KRTCAP3: variants seen among roughly 807,000 people sequenced by gnomAD.
KRTCAP3 encodes keratinocyte associated protein 3.
In KRTCAP3, 18 loss-of-function variants were observed where a neutral mutation model predicts 20.5. The ratio of observed to expected loss-of-function variants is 0.88; its 90% CI spans 0.61 to 1.31. The LOEUF (loss-of-function observed/expected upper bound fraction) is 1.31, where lower values mean the gene tolerates loss of function less well. Among genes scored for constraint, KRTCAP3 ranks in the 50% most tolerant of loss-of-function variants. KRTCAP3 has a pLI of 0.00. For missense variants in KRTCAP3, 347 were observed against 310.4 expected (o/e 1.12, Z -0.89); for synonymous variants, 167 against 133.7 (o/e 1.25, Z -1.72).
downstream of KRTCAP3, chr2:27,446,448 CAACAATTATTAT>C: frequency 2.8e-6 from 3 of 1,082,764 alleles, no homozygotes; most frequent in Non-Finnish European, 4.2e-6. Context: ...AACTAAAAAA[CAACAATTATTAT>C]TAAACTGCTC....
At chr2:27,446,137 G>T (rs1558350715), downstream of KRTCAP3, 11 of 1,316,328 alleles carry the variant, frequency 8.4e-6, no homozygotes, top group Non-Finnish European at 1.2e-5. Context: ...AGACATAGGA[G>T]GACTACATCC....
chr2:27,442,503 G>A (rs1002563888), intron 1 of KRTCAP3, 63 bp downstream of exon 1: 6 of 1,539,674 alleles, frequency 3.9e-6, no homozygotes, highest in Non-Finnish European at 5.3e-6. Flanking sequence ...CCGTCCTACT[G>A]CCCGCGGTTA....
chr2:27,444,453 G>T (rs375519807), downstream of KRTCAP3: 42 of 1,613,056 alleles, frequency 2.6e-5, no homozygotes, highest in Non-Finnish European at 3.4e-5. Context: ...AAAAGCTGGT[G>T]CTGGGGAGCC....
chr2:27,442,719 G>C lies in KRTCAP3; in HGVS notation c.169G>C (p.Glu57Gln), dbSNP rs1208662595. Residue 57 changes from glutamate to glutamine, a missense_variant, in exon 2 of 7, where the codon GAG (glutamate) becomes CAG (glutamine). Physicochemically the swap from Glu to Gln is conservative, Grantham distance 29 (BLOSUM62 2). Coordinates refer to ENST00000288873, the MANE Select transcript of KRTCAP3 (RefSeq NM_173853.4). Reference protein sequence around the residue: ...VANPRGAVTPEYTVANVISVG... With the variant: ...VANPRGAVTPQYTVANVISVG... Reference sequence around the variant, plus strand: ...CAATCCCCGCGGCGCTGTCACGCCGGAGTACACCGTAGCCAATGTCATCTC... The same window carrying C: ...CAATCCCCGCGGCGCTGTCACGCCGCAGTACACCGTAGCCAATGTCATCTC... 2 of 1,602,430 alleles carry C rather than the reference G, an allele frequency of 1.2e-6. No individual in the cohort carries two copies. Among genetic ancestry groups the C allele is most frequent in the Non-Finnish European group, 1.7e-6 (2 of 1,173,696 alleles).
chr2:27,446,149 C>T (rs1665073700), downstream of KRTCAP3: 2 of 1,328,476 alleles, frequency 1.5e-6, no homozygotes, highest in South Asian at 2.4e-5. Flanking sequence ...ACTACATCCT[C>T]CGTAACATCA....
Position 27,444,294 on chromosome 2 carries a change from T to TTA in KRTCAP3, c.*114_*115insTA, listed in dbSNP as rs1664831956. ...TGTAATAAAGTAACTTCTCTTTTCT[T>TTA]CTACTTGATTATGATTCCTTTTGGG... On this transcript the variant is annotated 3_prime_UTR_variant, in exon 7 of 7. Coordinates refer to ENST00000288873, the MANE Select transcript of KRTCAP3 (RefSeq NM_173853.4). The TTA allele has an allele frequency of 1.5e-6, 1 of 660,916 alleles. No individual in the cohort carries two copies. The highest frequency in any genetic ancestry group is 2.6e-6 in the Non-Finnish European group (1 of 378,680). 40.9% of individuals were successfully genotyped at this position (660,916 alleles called of 1,614,324 possible).
At chr2:27,444,495 G>A (rs143671920), downstream of KRTCAP3, 291 of 1,613,624 alleles carry the variant, frequency 1.8e-4, 2 homozygotes, top group South Asian at 1.7e-3. Flanking sequence ...ATTTCAGCAC[G>A]TCCTGGCACA....
At position 27,442,567 on chromosome 2, in the gene KRTCAP3, C is replaced by A. The variant is rs369704814; in HGVS notation, c.29-12C>A. Reference sequence around the variant, plus strand: ...CGCCCGACTCAACCCTGCCCTCCCCCGTGCTTTGCAGACGCCGCCCGGGGG... The same window carrying A: ...CGCCCGACTCAACCCTGCCCTCCCCAGTGCTTTGCAGACGCCGCCCGGGGG... On this transcript the variant is annotated splice_polypyrimidine_tract_variant and intron_variant, in intron 1 of 6. Transcript: ENST00000288873. 91 of 1,523,890 alleles carry A rather than the reference C, an allele frequency of 6.0e-5. 1 individual carries two copies. Among genetic ancestry groups the A allele is most frequent in the Middle Eastern group, 1.7e-4 (1 of 5,760 alleles). 94.4% of individuals were successfully genotyped at this position (1,523,890 alleles called of 1,614,324 possible). A position where few individuals can be genotyped will look rare whatever the true frequency, so the allele number is the denominator to read the frequency against.
chr2:27,443,902 G>A (rs1664780218), intron 5 of KRTCAP3, 47 bp from the exon 6 acceptor site: 1 of 1,055,048 alleles, frequency 9.5e-7, no homozygotes, highest in Admixed American at 1.7e-5. Context: ...AAAAGATGCT[G>A]ACCTATCATT....
chr2:27,443,762 G>C (rs1029503750), intron 5 of KRTCAP3, among the ~76,000 whole-genome samples, 187 bp from the exon 6 acceptor site: 3 of 151,976 alleles, frequency 2.0e-5, no homozygotes, highest in African/African-American at 7.3e-5. Flanking sequence ...TGTAATCCCA[G>C]CTACTTGGAA....
downstream of KRTCAP3, chr2:27,444,933 G>C: frequency 6.8e-7 from 1 of 1,461,638 alleles, no homozygotes; most frequent in Non-Finnish European, 9.4e-7. Flanking sequence ...AAAGGTATGA[G>C]CCACTGCACC....
downstream of KRTCAP3, chr2:27,445,973 T>C (rs774056784): frequency 6.8e-6 from 11 of 1,614,242 alleles, no homozygotes; most frequent in Non-Finnish European, 9.3e-6. The surrounding 1 kb of genome is among the most constrained non-coding windows in gnomAD (Gnocchi z 4.4). Flanking sequence ...AATGCCATGT[T>C]ATCCCAGCCA....
chr2:27,444,959 T>G, downstream of KRTCAP3: 1 of 1,580,066 alleles, frequency 6.3e-7, no homozygotes, highest in Non-Finnish European at 8.6e-7. Context: ...TTGTTTTTTT[T>G]TCTTTTTTTA....
At chr2:27,443,707 C>T (rs1052349787) in intron 5 of KRTCAP3, among the ~76,000 whole-genome samples, 175 bp downstream of exon 5, 1 of 152,008 alleles carries the variant, frequency 6.6e-6, no homozygotes, top group African/African-American at 2.4e-5. Flanking sequence ...GGTGAAACCT[C>T]GTCTCTACTA....
At chr2:27,444,384 TA>T, downstream of KRTCAP3, 1 of 1,235,456 alleles carries the variant, frequency 8.1e-7, no homozygotes, top group Non-Finnish European at 1.2e-6. Context: ...CAATTATTTA[TA>T]AAACTTTAAT....
Position 27,442,683 on chromosome 2 carries a change from C to G in KRTCAP3, c.133C>G (p.Arg45Gly), listed in dbSNP as rs1462185844. 1 of 1,586,182 alleles carries G rather than the reference C, an allele frequency of 6.3e-7. No homozygotes were observed. Among genetic ancestry groups the G allele is most frequent in the Non-Finnish European group, 8.6e-7 (1 of 1,165,654 alleles). Residue 45 changes from arginine to glycine, a missense_variant, in exon 2 of 7, where the codon CGG (arginine) becomes GGG (glycine). Physicochemically the swap from Arg to Gly is moderately radical, Grantham distance 125. Coordinates refer to ENST00000288873, the MANE Select transcript of KRTCAP3 (RefSeq NM_173853.4). ...LGAVLHGTVL[R>G]HVANPRGAVT... ...GGCCGTGCTGCATGGCACCGTCCTG[C>G]GGCACGTGGCCAATCCCCGCGGCGC... is the stretch of plus-strand genomic sequence containing the variant.
chr2:27,445,612 A>G, downstream of KRTCAP3: 1 of 1,319,724 alleles, frequency 7.6e-7, no homozygotes, highest in Non-Finnish European at 1.0e-6. The surrounding 1 kb of genome is among the most constrained non-coding windows in gnomAD (Gnocchi z 4.4). Context: ...TTTTCTTTCT[A>G]TTTTGCTTCT....
At chr2:27,443,619 C>T (rs1664759209) in intron 5 of KRTCAP3, 87 bp downstream of exon 5, 2 of 1,443,400 alleles carry the variant, frequency 1.4e-6, no homozygotes, top group African/African-American at 1.4e-5. Flanking sequence ...AGGCTCACAC[C>T]TGTAATCCCA....
At chr2:27,446,220 C>G (rs1312780995), downstream of KRTCAP3, 2 of 1,592,348 alleles carry the variant, frequency 1.3e-6, no homozygotes, top group Non-Finnish European at 1.7e-6. Context: ...CAACCTTTAA[C>G]TTCCTCCTAT....
Sources: allele counts gnomAD v4.1 joint callset (sites outside exome capture counted in the v4.1 genomes callset), GRCh38; gene constraint gnomAD v4.1.1; non-coding constraint Gnocchi (gnomAD v3.1); transcripts MANE v1.5; gene names NCBI Gene and HGNC (gene_info 2026-07-23, HGNC 2026-07-21).